The following PCNX2 variants were observed in gnomAD, a reference collection of about 807,000 sequenced individuals.
The protein encoded by PCNX2 is pecanex 2.
Under a neutral mutation model 223.8 loss-of-function variants are expected in PCNX2, and 168 were observed. The observed-to-expected ratio is 0.75, with a 90% CI of 0.66 to 0.85. The LOEUF is 0.85. Among genes scored for constraint, PCNX2 ranks in the 40% least tolerant of loss-of-function variants. PCNX2 has a pLI of 0.00. For synonymous variants in PCNX2, 1,006 were observed against 1,052.6 expected, an observed-to-expected ratio of 0.96 and a Z score of 0.86; for missense variants, 2,507 against 2,675.5, an observed-to-expected ratio of 0.94 and a Z score of 1.39.
rs112908460 is a variant in PCNX2 at position 233,273,698 on chromosome 1, A to G, written c.154-10535T>C. ...AAGTGCAGTGGCACAATCTCGGCTC[A>G]CTACAACTTCCTCCTCTCGGGTTCA... On this transcript the variant is annotated intron_variant, in intron 1 of 33. Transcript: ENST00000258229. 1.0e-2 allele frequency among the ~76,000 whole-genome samples: 1,508 copies of G among 151,144 alleles called. 14 individuals carry two copies. The highest frequency in any genetic ancestry group is 0.027 in the South Asian group (128 of 4,760).
At chr1:233,208,306 T>A (rs529921398) in intron 13 of PCNX2, among the ~76,000 whole-genome samples, 6 of 152,324 alleles carry the variant, frequency 3.9e-5, no homozygotes, top group African/African-American at 1.4e-4. Context: ...AACTTCTTGG[T>A]CATAAATATC....
chr1:233,211,967 T>C (rs1572086251), intron 12 of PCNX2: 1 of 197,080 alleles, frequency 5.1e-6, no homozygotes, highest in Non-Finnish European at 9.2e-6. Context: ...GCTGTTGCCC[T>C]GTGACATTAT....
intron 8 of PCNX2, among the ~76,000 whole-genome samples, chr1:233,239,281 G>A (rs1310846977): frequency 6.6e-6 from 1 of 152,150 alleles, no homozygotes; most frequent in Non-Finnish European, 1.5e-5. Flanking sequence ...AATTGACTAC[G>A]ACATAATGTG....
At chr1:233,263,415 C>A (rs1572172050) in intron 1 of PCNX2, among the ~76,000 whole-genome samples, 1 of 151,360 alleles carries the variant, frequency 6.6e-6, no homozygotes, top group African/African-American at 2.4e-5. Context: ...AGGCAGGAAC[C>A]CCACAGAACA....
chr1:233,142,159 C>T, intron 19 of PCNX2, among the ~76,000 whole-genome samples: 1 of 152,054 alleles, frequency 6.6e-6, no homozygotes, highest in Admixed American at 6.6e-5. Flanking sequence ...ATGTTTTATA[C>T]ACAATAAAGT....
chr1:233,146,167 T>C (rs1461274154), intron 19 of PCNX2, among the ~76,000 whole-genome samples: 1 of 152,238 alleles, frequency 6.6e-6, no homozygotes, highest in Non-Finnish European at 1.5e-5. Flanking sequence ...GTGAATTCTA[T>C]AATTTAAGGA....
chr1:233,273,026 A>G (rs924712928), intron 1 of PCNX2, among the ~76,000 whole-genome samples: 10 of 151,610 alleles, frequency 6.6e-5, no homozygotes, highest in Admixed American at 6.6e-4. Flanking sequence ...GGGATAAAAG[A>G]CAACAAATTG....
intron 15 of PCNX2, among the ~76,000 whole-genome samples, chr1:233,184,833 T>C (rs1680000370): frequency 6.6e-6 from 1 of 152,132 alleles, no homozygotes; most frequent in Non-Finnish European, 1.5e-5. Flanking sequence ...GCACACTTAT[T>C]CTTCCAAGAA....
At chr1:233,220,042 GC>G (rs1291990402) in intron 10 of PCNX2, among the ~76,000 whole-genome samples, 1 of 152,110 alleles carries the variant, frequency 6.6e-6, no homozygotes, top group African/African-American at 2.4e-5. Flanking sequence ...ACGGTATGTA[GC>G]CTTTGCATAT....
chr1:233,070,233 C>T lies in PCNX2; in HGVS notation c.4077-12943G>A, dbSNP rs557815138. Among the ~76,000 whole-genome samples, 5 of 152,158 alleles carry T rather than the reference C, an allele frequency of 3.3e-5. No homozygotes were observed. The Middle Eastern group carries it at 0.01, about 311-fold the overall frequency. On this transcript the variant is annotated intron_variant, in intron 23 of 33. Transcript: ENST00000258229. The stretch of plus-strand genomic sequence containing the variant: ...TAATTAGTAACTTAGAAACTCCCCC[C>T]AAAATGAATCTCTAAGCTCTGAAGG...
rs374670064 is a variant in PCNX2, at chr1:233,236,866, C to T, written c.2337G>A (p.Arg779=). The T allele has an allele frequency of 7.4e-6, 12 of 1,613,752 alleles. No individual in the cohort carries two copies. In the African/African-American group the frequency reaches 1.6e-4, roughly 22 times the overall value. Residue 779 remains arginine (R), a synonymous_variant, in exon 9 of 34, where the codon AGG becomes AGA. Coordinates refer to ENST00000258229, the MANE Select transcript of PCNX2 (RefSeq NM_014801.4). ...QQQLLLMVAR[R]TQSETPRHVS... ...GTACCCGTGGGGTTTCCGACTGGGT[C>T]CTGCGAGCCACCATCAGTAACAGCT...
intron 12 of PCNX2, among the ~76,000 whole-genome samples, chr1:233,209,580 T>C (rs1558346785): frequency 6.6e-6 from 1 of 152,230 alleles, no homozygotes; most frequent in Non-Finnish European, 1.5e-5. Flanking sequence ...ATTTTTAAAG[T>C]CACTGCCTTG....
chr1:233,144,943 T>C (rs1168071796), intron 19 of PCNX2, among the ~76,000 whole-genome samples: 2 of 128,200 alleles, frequency 1.6e-5, no homozygotes, highest in South Asian at 2.6e-4. Context: ...TTTGTTGTTG[T>C]TGTTGTTTTG....
chr1:233,192,906 C>T (rs555411658), intron 15 of PCNX2, among the ~76,000 whole-genome samples: 6 of 150,224 alleles, frequency 4.0e-5, no homozygotes, highest in South Asian at 2.1e-4. Flanking sequence ...TACTGAATTG[C>T]ACACAAAAAG....
At chr1:233,142,818 C>A (rs1011632328) in intron 19 of PCNX2, among the ~76,000 whole-genome samples, 1 of 152,104 alleles carries the variant, frequency 6.6e-6, no homozygotes, top group Non-Finnish European at 1.5e-5. Flanking sequence ...AATCCTCCCT[C>A]CTTTTGAAAA....
intron 20 of PCNX2, among the ~76,000 whole-genome samples, chr1:233,136,454 G>A (rs1040753254): frequency 2.0e-5 from 3 of 152,070 alleles, no homozygotes; most frequent in African/African-American, 7.2e-5. Context: ...GCTGTTTTTT[G>A]TGCCTTCAGA....
At chr1:233,181,551 G>T (rs1679804046) in intron 15 of PCNX2, among the ~76,000 whole-genome samples, 1 of 152,094 alleles carries the variant, frequency 6.6e-6, no homozygotes, top group South Asian at 2.1e-4. Context: ...TGATCCAGTT[G>T]CCCTTGAAAG....
chr1:233,054,231 C>G, intron 25 of PCNX2, 37 bp downstream of exon 25: 1 of 1,580,512 alleles, frequency 6.3e-7, no homozygotes, highest in Non-Finnish European at 8.6e-7. Context: ...CTCAAGCAAC[C>G]AACTTTCAAC....
chr1:233,208,515 C>G lies in PCNX2; in HGVS notation c.2863+3G>C, dbSNP rs769415828. On this transcript the variant is annotated splice_donor_region_variant and intron_variant, in intron 13 of 33. Coordinates refer to ENST00000258229, the MANE Select transcript of PCNX2 (RefSeq NM_014801.4). ...CTTCCCCACAACCCCATAATTAACT[C>G]ACCTATTAAGTAGTCCCTAGCTGAT... The G allele has an allele frequency of 1.2e-6, 2 of 1,609,562 alleles. No homozygotes were observed. Among genetic ancestry groups the G allele is most frequent in the East Asian group, 2.2e-5 (1 of 44,820 alleles).
Sources: gnomAD v4.1 joint callset for allele counts (sites outside exome capture counted in the v4.1 genomes callset) on GRCh38, gnomAD v4.1.1 for gene constraint, MANE v1.5 for transcripts, NCBI Gene and HGNC (gene_info 2026-07-23, HGNC 2026-07-21) for gene names.